LIN7A: variants seen among roughly 807,000 people sequenced by gnomAD.
The protein encoded by LIN7A is lin-7 cell polarity scaffold A, also known as protein lin-7 homolog A.
LIN7A carries 25 observed loss-of-function variants against 29.8 expected under a neutral mutation model. The ratio of observed to expected loss-of-function variants is 0.84; its 90% CI spans 0.61 to 1.17. The LOEUF is 1.17. Among genes scored for constraint, LIN7A ranks in the 50% most tolerant of loss-of-function variants. The pLI is 0.00. For synonymous variants in LIN7A, 118 were observed against 107.5 expected, an observed-to-expected ratio of 1.10 and a Z score of -0.60; for missense variants, 239 against 287.0, an observed-to-expected ratio of 0.83 and a Z score of 1.21.
rs1027612941 is a variant in LIN7A, at chr12:80,794,988, T to G, written c.*2739A>C. ...CCACTGACCTAAAAAAGGGAAAAAA[T>G]TAAATTTCACCAGGATTTCTGGTGA... is the stretch of plus-strand genomic sequence containing the variant. On this transcript the variant is annotated 3_prime_UTR_variant, in exon 6 of 6. Coordinates refer to ENST00000552864, the MANE Select transcript of LIN7A (RefSeq NM_004664.4). The G allele has an allele frequency of 1.3e-5, 2 of 152,088 alleles. No individual in the cohort carries two copies. The highest frequency in any genetic ancestry group is 1.3e-4 in the Admixed American group (2 of 15,256). 9.4% of individuals were successfully genotyped at this position (152,088 alleles called of 1,614,324 possible). A position where few individuals can be genotyped will look rare whatever the true frequency, so the allele number is the denominator to read the frequency against.
At chr12:80,858,515 T>A (rs1327283663) in intron 2 of LIN7A, among the ~76,000 whole-genome samples, 1 of 152,024 alleles carries the variant, frequency 6.6e-6, no homozygotes, top group Non-Finnish European at 1.5e-5. Context: ...TTCTTTTTTT[T>A]TTTTTTTTTA....
intron 1 of LIN7A, among the ~76,000 whole-genome samples, chr12:80,915,768 A>G (rs979640074): frequency 2.6e-5 from 4 of 152,244 alleles, no homozygotes; most frequent in African/African-American, 9.6e-5. Flanking sequence ...TAAGCAAACT[A>G]ATGCAGAAAC....
At chr12:80,886,949 C>T (rs1875359542) in intron 2 of LIN7A, among the ~76,000 whole-genome samples, 1 of 152,078 alleles carries the variant, frequency 6.6e-6, no homozygotes, top group Admixed American at 6.6e-5. Context: ...CCCAACTTCT[C>T]CCCCAGCCTT....
At chr12:80,914,427 G>A (rs1256245603) in intron 1 of LIN7A, among the ~76,000 whole-genome samples, 4 of 152,204 alleles carry the variant, frequency 2.6e-5, no homozygotes, top group East Asian at 1.9e-4. Context: ...TATAAAGCAC[G>A]AATCTTCCCC....
chr12:80,841,810 G>C, intron 4 of LIN7A: 3 of 812,260 alleles, frequency 3.7e-6, no homozygotes, highest in Non-Finnish European at 4.5e-6. Context: ...TTAAAATTGC[G>C]GAGAAAACAC....
rs952038512 is a variant in LIN7A, at chr12:80,893,235, T to C, written c.83-3866A>G. On this transcript the variant is annotated intron_variant, in intron 1 of 5. Coordinates refer to ENST00000552864, the MANE Select transcript of LIN7A (RefSeq NM_004664.4). ...CTTTGAGGAGTTTCAGAATGATTCA[T>C]AAAAGCCCACAGATGACAGCAATTA... is the stretch of plus-strand genomic sequence containing the variant. Among the ~76,000 whole-genome samples, 7 of 152,154 alleles carry C rather than the reference T, an allele frequency of 4.6e-5. No homozygotes were observed. The South Asian group carries it at 1.4e-3, about 32-fold the overall frequency.
chr12:80,909,522 C>G (rs1179914964), intron 1 of LIN7A, among the ~76,000 whole-genome samples: 1 of 151,988 alleles, frequency 6.6e-6, no homozygotes, highest in Non-Finnish European at 1.5e-5. Context: ...GATTAAGGTG[C>G]TGGGAGATTC....
At chr12:80,896,183 A>C (rs1231751080) in intron 1 of LIN7A, among the ~76,000 whole-genome samples, 2 of 152,164 alleles carry the variant, frequency 1.3e-5, no homozygotes, top group Admixed American at 6.5e-5. Flanking sequence ...TAAAGATCCA[A>C]AGAAGGAGCA....
At chr12:80,930,392 G>T (rs555228340) in intron 1 of LIN7A, among the ~76,000 whole-genome samples, 3 of 152,014 alleles carry the variant, frequency 2.0e-5, no homozygotes, top group Non-Finnish European at 4.4e-5. Flanking sequence ...CAGAACTAAG[G>T]CATGGATGAA....
At chr12:80,888,498 A>C (rs138912182) in intron 2 of LIN7A, among the ~76,000 whole-genome samples, 1 of 152,172 alleles carries the variant, frequency 6.6e-6, no homozygotes, top group Non-Finnish European at 1.5e-5. Flanking sequence ...GGAGGGAATA[A>C]CAGGAGGTAA....
intron 4 of LIN7A, among the ~76,000 whole-genome samples, chr12:80,812,517 C>T (rs1043860891): frequency 4.1e-5 from 6 of 145,826 alleles, no homozygotes; most frequent in Non-Finnish European, 9.0e-5. Context: ...CTGTCATATA[C>T]TTAGTGCAAA....
chr12:80,842,191 C>T (rs554835473), intron 4 of LIN7A: 8 of 1,149,628 alleles, frequency 7.0e-6, no homozygotes, highest in Non-Finnish European at 8.0e-6. Context: ...TTATTGATTT[C>T]CCCCCCTTTC....
chr12:80,801,063 C>CAT (rs139830315), intron 5 of LIN7A, among the ~76,000 whole-genome samples: 1,583 of 149,330 alleles, frequency 0.011, 18 homozygotes, highest in African/African-American at 0.034. Context: ...TGAAAATAAG[C>CAT]ATATATATAT....
intron 2 of LIN7A, among the ~76,000 whole-genome samples, chr12:80,885,889 C>G (rs1241678424): frequency 6.6e-6 from 1 of 152,016 alleles, no homozygotes; most frequent in African/African-American, 2.4e-5. Context: ...GGAATTATTT[C>G]AACATATAAT....
chr12:80,886,915 C>G (rs932578254), intron 2 of LIN7A, among the ~76,000 whole-genome samples: 6 of 152,044 alleles, frequency 3.9e-5, no homozygotes, highest in African/African-American at 1.4e-4. Context: ...GAACAGATAT[C>G]CATAACACAT....
intron 1 of LIN7A, among the ~76,000 whole-genome samples, chr12:80,918,375 C>T (rs1877128034): frequency 6.6e-6 from 1 of 151,974 alleles, no homozygotes. Flanking sequence ...AAGGTGGATT[C>T]CTGAACCAAG....
At position 80,792,713 on chromosome 12, in the gene LIN7A, C is replaced by T. The variant is rs1870260089; in HGVS notation, c.*5014G>A. ...ATGTAAAATATCCTTAGTTCATCTC[C>T]AAACTGTGTATTTATTATAAGCCCT... On this transcript the variant is annotated 3_prime_UTR_variant, in exon 6 of 6. Coordinates refer to ENST00000552864, the MANE Select transcript of LIN7A (RefSeq NM_004664.4). 6.6e-6 allele frequency: 1 copy of T among 152,160 alleles called. No homozygotes were observed. Among genetic ancestry groups the T allele is most frequent in the Admixed American group, 6.6e-5 (1 of 15,260 alleles). The allele number at this position is 152,160 out of a possible 1,614,324, so 9.4% of individuals were successfully genotyped here. A position where few individuals can be genotyped will look rare whatever the true frequency, so the allele number is the denominator to read the frequency against.
chr12:80,898,147 T>C (rs994507002), intron 1 of LIN7A, among the ~76,000 whole-genome samples: 9 of 152,226 alleles, frequency 5.9e-5, no homozygotes, highest in Non-Finnish European at 1.3e-4. Context: ...TTGATTTTTG[T>C]GTGTGGTGTA....
At chr12:80,839,022 A>G (rs1411721054) in intron 4 of LIN7A, among the ~76,000 whole-genome samples, 2 of 152,234 alleles carry the variant, frequency 1.3e-5, no homozygotes, top group African/African-American at 4.8e-5. Flanking sequence ...CATTTGAATC[A>G]GAGTAAATTC....
Sources: gnomAD v4.1 joint callset for allele counts (sites outside exome capture counted in the v4.1 genomes callset) on GRCh38, gnomAD v4.1.1 for gene constraint, MANE v1.5 for transcripts, NCBI Gene and HGNC (gene_info 2026-07-23, HGNC 2026-07-21) for gene names.